PAK4: variants seen among roughly 807,000 people sequenced by gnomAD.
PAK4 encodes the protein serine/threonine-protein kinase PAK 4.
In PAK4, 49 loss-of-function variants were observed where a neutral mutation model predicts 53.5. The ratio of observed to expected loss-of-function variants is 0.92; its 90% confidence interval spans 0.73 to 1.16. The LOEUF (loss-of-function observed/expected upper bound fraction) is 1.16. Ranked by LOEUF, PAK4 falls within the 50% of genes most tolerant of loss-of-function variation. PAK4 has a pLI of 0.00. For missense variants in PAK4, 824 were observed against 850.7 expected, an observed-to-expected ratio of 0.97 and a Z score of 0.39; for synonymous variants, 376 against 375.6, an observed-to-expected ratio of 1.00 and a Z score of -0.01.
chr19:39,174,064 C>T (rs535983443), intron 4 of PAK4, 54 bp downstream of exon 5: 35 of 999,846 alleles, frequency 3.5e-5, no homozygotes, highest in Non-Finnish European at 4.7e-5. Context: ...CTCCCTCCCA[C>T]CCTCCCTCCC....
At chr19:39,130,758 G>A (rs142427600) in intron 1 of PAK4, among the ~76,000 whole-genome samples, 225 of 152,124 alleles carry the variant, frequency 1.5e-3, no homozygotes, top group African/African-American at 5.3e-3. Flanking sequence ...ATACAGCAGG[G>A]CCTAGCAGAG....
At chr19:39,143,297 A>T (rs1039813075) in intron 1 of PAK4, among the ~76,000 whole-genome samples, 3 of 151,554 alleles carry the variant, frequency 2.0e-5, no homozygotes, top group African/African-American at 7.3e-5. Context: ...ATTAAAAAAA[A>T]AAAAAAAAAA....
intron 1 of PAK4, among the ~76,000 whole-genome samples, chr19:39,126,492 G>C (rs904245452): frequency 1.3e-5 from 2 of 149,386 alleles, no homozygotes; most frequent in African/African-American, 5.0e-5. Flanking sequence ...GGTGACAGGA[G>C]AAGGGGGAAC....
Position 39,138,069 on chromosome 19 carries a change from C to T in PAK4, c.-23+12150C>T, listed in dbSNP as rs909144683. On this transcript the variant is annotated intron_variant, in intron 1 of 8. Coordinates refer to ENST00000358301, the Ensembl canonical transcript of PAK4. ...CAAGATTGGCTCACTGCAGCCTCCACCTCCTGGGTTCAAGCAATTCTCTTT... is the reference window on the plus strand; with the variant it reads ...CAAGATTGGCTCACTGCAGCCTCCATCTCCTGGGTTCAAGCAATTCTCTTT... Among the ~76,000 whole-genome samples, 7 of 152,036 alleles carry T rather than the reference C, an allele frequency of 4.6e-5. No homozygotes were observed. The East Asian group carries it at 1.2e-3, about 25-fold the overall frequency.
At chr19:39,170,497 G>T (rs1432212068) in intron 2 of PAK4, among the ~76,000 whole-genome samples, 1 of 152,230 alleles carries the variant, frequency 6.6e-6, no homozygotes, top group African/African-American at 2.4e-5. Context: ...CGGTGTCTGG[G>T]TGTGGCCTGG....
In PAK4 at chr19:39,171,849, C is replaced by T. The variant is rs556238374; in HGVS notation, c.205-1069C>T. Among the ~76,000 whole-genome samples, 13 of 152,362 alleles carry T rather than the reference C, an allele frequency of 8.5e-5. 1 individual carries two copies. The highest frequency in any genetic ancestry group is 8.3e-4 in the South Asian group (4 of 4,830). On this transcript the variant is annotated intron_variant, in intron 2 of 8. Transcript: ENST00000358301. ...CTTTGCACAGACACCTCACTCACTA[C>T]GTGGTTTAGCAAAAGTTCACTGAGC...
At chr19:39,136,242 A>G (rs1600311462) in intron 1 of PAK4, among the ~76,000 whole-genome samples, 1 of 149,818 alleles carries the variant, frequency 6.7e-6, no homozygotes, top group South Asian at 2.1e-4. Flanking sequence ...CTGTCCCCAC[A>G]GTTGTCCGCA....
rs375248892 is a variant in PAK4 at position 39,152,745 on chromosome 19, G to A, written c.-22-16787G>A. On this transcript the variant is annotated intron_variant, in intron 1 of 8. Coordinates refer to ENST00000358301, the Ensembl canonical transcript of PAK4. ...GAACAGAAACGTGTTCCAACTGATGGCAATCGGGTTCAATGTTATCCACAG... is the reference window on the plus strand; with the variant it reads ...GAACAGAAACGTGTTCCAACTGATGACAATCGGGTTCAATGTTATCCACAG... 5.3e-4 allele frequency among the ~76,000 whole-genome samples: 80 copies of A among 150,738 alleles called. 1 individual carries two copies. In the South Asian group the frequency reaches 0.015, roughly 29 times the overall value.
Position 39,173,923 on chromosome 19 carries a change from C to T in PAK4, c.1011C>T (p.Ile337=), listed in dbSNP as rs771346613. 21 of 1,611,472 alleles carry T rather than the reference C, an allele frequency of 1.3e-5. No homozygotes were observed. Among genetic ancestry groups the T allele is most frequent in the East Asian group, 6.7e-5 (3 of 44,828 alleles). Residue 337 remains isoleucine, a synonymous_variant, in exon 4 of 9, where the codon ATC becomes ATT. Coordinates refer to ENST00000358301, the Ensembl canonical transcript of PAK4. This position sits in a 1 kb window ranked among gnomAD's most constrained non-coding sequence, Gnocchi z 6.9. ...AGGGCTCCACGGGCATCGTGTGCAT[C>T]GCCACCGTGCGCAGCTCGGGCAAGC...
rs867537438 is a variant in PAK4, at chr19:39,161,630, C to G, written c.-22-7902C>G. On this transcript the variant is annotated intron_variant, in intron 1 of 8. Transcript: ENST00000358301. The surrounding 1 kb of genome is among the most constrained non-coding windows in gnomAD (Gnocchi z 4.5). ...TGAACTCCTGAGTCAGGCGGTGGCC[C>G]TCCTGGGCTCAGAGACCCCTGCAAC... 1.4e-4 allele frequency among the ~76,000 whole-genome samples: 22 copies of G among 152,038 alleles called. No individual in the cohort carries two copies. Among genetic ancestry groups the G allele is most frequent in the Admixed American group, 9.2e-4 (14 of 15,266 alleles).
In PAK4 at chr19:39,178,462, G is replaced by T; in HGVS notation, c.1659G>T (p.Leu553=). The T allele has an allele frequency of 6.2e-7, 1 of 1,602,714 alleles. No homozygotes were observed. ...TGAAGGGCTTCCTGGACCGCCTGCT[G>T]GTGCGAGACCCTGCCCAGCGGGCCA... is the stretch of plus-strand genomic sequence containing the variant. Residue 553 remains leucine, a synonymous_variant, in exon 9 of 9, where the codon CTG becomes CTT. Transcript: ENST00000358301. This position sits in a 1 kb window ranked among gnomAD's most constrained non-coding sequence, Gnocchi z 4.4.
In PAK4 at chr19:39,177,665, C is replaced by G; in HGVS notation, c.1486-10C>G. The G allele has an allele frequency of 6.2e-7, 1 of 1,609,970 alleles. No homozygotes were observed. The highest frequency in any genetic ancestry group is 8.5e-7 in the Non-Finnish European group (1 of 1,177,468). ...ACAGCTCAGCCCTGCTGTCCCTTCT[C>G]CCGCCCCAGGTAGACATCTGGTCGC... On this transcript the variant is annotated splice_polypyrimidine_tract_variant and intron_variant, in intron 7 of 8. Transcript: ENST00000358301.
chr19:39,137,985 T>G (rs1355002712), intron 1 of PAK4, among the ~76,000 whole-genome samples: 2 of 145,092 alleles, frequency 1.4e-5, no homozygotes, highest in Admixed American at 6.9e-5. Flanking sequence ...TTCCTGAGGT[T>G]TTTTTTTTTT....
Position 39,147,095 on chromosome 19 carries a change from A to AG in PAK4, c.-23+21176_-23+21177insG, listed in dbSNP as rs1463452034. On this transcript the variant is annotated intron_variant, in intron 1 of 8. Transcript: ENST00000358301. ...CAATTGTCATTGTCAATTGTCAATG[A>AG]CAATGTCATTGACATTGACATTGTC... 1.8e-3 allele frequency among the ~76,000 whole-genome samples: 54 copies of AG among 30,152 alleles called. 1 individual carries two copies. The Middle Eastern group carries it at 0.1, about 56-fold the overall frequency. The allele number at this position is 30,152 out of a possible 152,430, so 19.8% of individuals were successfully genotyped here. A position where few individuals can be genotyped will look rare whatever the true frequency, so the allele number is the denominator to read the frequency against.
At chr19:39,152,621 G>A (rs1281206833) in intron 1 of PAK4, among the ~76,000 whole-genome samples, 1 of 152,160 alleles carries the variant, frequency 6.6e-6, no homozygotes, top group Non-Finnish European at 1.5e-5. Flanking sequence ...TTTGTGCTGG[G>A]TTTACTGTCA....
intron 1 of PAK4, among the ~76,000 whole-genome samples, chr19:39,137,804 C>T (rs185916839): frequency 8.8e-4 from 133 of 151,900 alleles, no homozygotes; most frequent in Non-Finnish European, 1.6e-3. Context: ...GTAGCTGGGA[C>T]TACAGTCGTG....
chr19:39,181,243 C>A (rs2074698000), downstream of PAK4: 1 of 152,424 alleles, frequency 6.6e-6, no homozygotes, highest in Non-Finnish European at 1.5e-5. Flanking sequence ...CGTGCCCAGC[C>A]CGCTCACTGC....
intron 1 of PAK4, among the ~76,000 whole-genome samples, chr19:39,166,819 C>T (rs1302617987): frequency 6.6e-6 from 1 of 152,220 alleles, no homozygotes; most frequent in Non-Finnish European, 1.5e-5. Context: ...GAAGGGAGCG[C>T]CTGCTGGGGA....
rs375957288 is a variant in PAK4 at position 39,173,780 on chromosome 19, C to T, written c.868C>T (p.Arg290Cys). 2.2e-5 allele frequency: 35 copies of T among 1,602,200 alleles called. No homozygotes were observed. The highest frequency in any genetic ancestry group is 5.4e-5 in the African/African-American group (4 of 74,760). The stretch of plus-strand genomic sequence containing the variant: ...TGCTGTTCCTGGGCCCCCTGGCCCC[C>T]GCTCACCACAGCGGGAGCCACAGCG... The change falls in exon 4 of 9, where the codon CGC (arginine) becomes TGC (cysteine). Residue 290 changes from arginine to cysteine, a missense_variant. Physicochemically the swap from Arg to Cys is radical, Grantham distance 180 (BLOSUM62 -3). Transcript: ENST00000358301. The surrounding 1 kb of genome is among the most constrained non-coding windows in gnomAD (Gnocchi z 6.9).
Sources: allele counts gnomAD v4.1 joint callset (sites outside exome capture counted in the v4.1 genomes callset), GRCh38; gene constraint gnomAD v4.1.1; non-coding constraint Gnocchi (gnomAD v3.1); transcripts MANE v1.5; gene names NCBI Gene and HGNC (gene_info 2026-07-23, HGNC 2026-07-21).